GPR158: variants seen among roughly 807,000 people sequenced by gnomAD.
GPR158 encodes G protein-coupled receptor 158, also known as metabotropic glycine receptor.
GPR158 carries 30 observed loss-of-function variants against 78.2 expected under a neutral mutation model. The observed-to-expected ratio is 0.38, with a 90% confidence interval of 0.29 to 0.52. The LOEUF is 0.52. Ranked by LOEUF, GPR158 falls within the 20% of genes least tolerant of loss-of-function variation. The pLI is 0.83. For synonymous variants in GPR158, 581 were observed against 591.1 expected, an observed-to-expected ratio of 0.98 and a Z score of 0.25; for missense variants, 1,463 against 1,523.5, an observed-to-expected ratio of 0.96 and a Z score of 0.66.
At chr10:25,585,451 A>G (rs901374953) in intron 7 of GPR158, among the ~76,000 whole-genome samples, 7 of 152,194 alleles carry the variant, frequency 4.6e-5, no homozygotes, top group African/African-American at 1.7e-4. Context: ...ATTTTCTTCT[A>G]ATTATATGTT....
intron 2 of GPR158, among the ~76,000 whole-genome samples, chr10:25,276,779 A>G (rs770482383): frequency 1.3e-5 from 2 of 152,082 alleles, no homozygotes; most frequent in Non-Finnish European, 2.9e-5. Flanking sequence ...TAAGCAAGAA[A>G]CTCACCTGAA....
chr10:25,428,027 G>C (rs1378537412), intron 4 of GPR158, among the ~76,000 whole-genome samples: 1 of 151,890 alleles, frequency 6.6e-6, no homozygotes, highest in Non-Finnish European at 1.5e-5. Context: ...CTTACTAAAA[G>C]ATGAATGAGT....
chr10:25,568,092 T>A (rs1174362517), intron 6 of GPR158, among the ~76,000 whole-genome samples: 1 of 151,700 alleles, frequency 6.6e-6, no homozygotes, highest in African/African-American at 2.4e-5. Context: ...ACAGCAAAGG[T>A]AGGTTGGAGA....
At chr10:25,496,156 C>G (rs76489052) in intron 5 of GPR158, among the ~76,000 whole-genome samples, 1 of 152,124 alleles carries the variant, frequency 6.6e-6, no homozygotes, top group African/African-American at 2.4e-5. Context: ...CACTTGTCCC[C>G]GCTCCCCCAA....
At chr10:25,196,768 AT>A (rs1242095636) in intron 1 of GPR158, among the ~76,000 whole-genome samples, 1 of 152,140 alleles carries the variant, frequency 6.6e-6, no homozygotes, top group Non-Finnish European at 1.5e-5. Flanking sequence ...AGAGTTCTTG[AT>A]TTTTTGCTTG....
intron 2 of GPR158, among the ~76,000 whole-genome samples, chr10:25,375,819 A>T (rs1305850990): frequency 6.6e-6 from 1 of 151,550 alleles, no homozygotes; most frequent in Non-Finnish European, 1.5e-5. Flanking sequence ...TATTGAATAG[A>T]TTGATTTCTC....
At chr10:25,311,430 G>T (rs187606591) in intron 2 of GPR158, among the ~76,000 whole-genome samples, 2 of 151,502 alleles carry the variant, frequency 1.3e-5, no homozygotes, top group African/African-American at 2.4e-5. Context: ...ATTTTTTATT[G>T]TAAATGCCTT....
rs143075210 is a variant in GPR158, at chr10:25,503,512, T to C, written c.1404+36793T>C. ...AAATAGAAATGGGAGGAAAGTGCAGTCAGCATAGGCAAGGAATTTAGCTCT... is the reference window on the plus strand; with the variant it reads ...AAATAGAAATGGGAGGAAAGTGCAGCCAGCATAGGCAAGGAATTTAGCTCT... On this transcript the variant is annotated intron_variant, in intron 5 of 10. Coordinates refer to ENST00000376351, the MANE Select transcript of GPR158 (RefSeq NM_020752.3). Among the ~76,000 whole-genome samples, 33 of 152,306 alleles carry C rather than the reference T, an allele frequency of 2.2e-4. No individual in the cohort carries two copies. The East Asian group carries it at 5.8e-3, about 27-fold the overall frequency.
intron 4 of GPR158, among the ~76,000 whole-genome samples, chr10:25,433,152 T>C (rs1244223616): frequency 6.6e-6 from 1 of 152,146 alleles, no homozygotes; most frequent in Non-Finnish European, 1.5e-5. Context: ...TATACTCAGG[T>C]CTGTTTGACT....
intron 2 of GPR158, among the ~76,000 whole-genome samples, chr10:25,225,652 T>G (rs1416653287): frequency 6.6e-6 from 1 of 152,188 alleles, no homozygotes; most frequent in African/African-American, 2.4e-5. Context: ...AAGTCGTGTT[T>G]ATTCTGCTTT....
intron 3 of GPR158, among the ~76,000 whole-genome samples, chr10:25,403,283 ATAAGT>A (rs550665316): frequency 7.2e-5 from 11 of 152,176 alleles, no homozygotes; most frequent in African/African-American, 2.4e-4. Flanking sequence ...AGGCAAGCAA[ATAAGT>A]TAACATACTG....
At chr10:25,295,344 G>C (rs917409961) in intron 2 of GPR158, among the ~76,000 whole-genome samples, 1 of 152,154 alleles carries the variant, frequency 6.6e-6, no homozygotes, top group East Asian at 1.9e-4. Context: ...TCACCCATCA[G>C]CCAGAGTAAC....
At chr10:25,293,088 A>G (rs987731565) in intron 2 of GPR158, among the ~76,000 whole-genome samples, 1 of 152,194 alleles carries the variant, frequency 6.6e-6, no homozygotes, top group African/African-American at 2.4e-5. Flanking sequence ...GACCAAGTAC[A>G]TTGATCTCTA....
At chr10:25,265,339 A>G (rs1294494207) in intron 2 of GPR158, among the ~76,000 whole-genome samples, 1 of 152,180 alleles carries the variant, frequency 6.6e-6, no homozygotes, top group Non-Finnish European at 1.5e-5. Flanking sequence ...AATAAGCAAG[A>G]AAGTCATATG....
At chr10:25,483,673 A>G (rs1475412555) in intron 5 of GPR158, among the ~76,000 whole-genome samples, 1 of 152,208 alleles carries the variant, frequency 6.6e-6, no homozygotes, top group Non-Finnish European at 1.5e-5. Flanking sequence ...TGCCTAATAC[A>G]TACTGGATGC....
intron 4 of GPR158, among the ~76,000 whole-genome samples, chr10:25,441,057 C>T (rs1448131519): frequency 6.6e-6 from 1 of 152,160 alleles, no homozygotes; most frequent in Non-Finnish European, 1.5e-5. Flanking sequence ...ATAAAAAAGG[C>T]TATAACCCTT....
intron 6 of GPR158, among the ~76,000 whole-genome samples, chr10:25,558,920 T>C (rs1197700925): frequency 4.6e-5 from 7 of 152,238 alleles, no homozygotes; most frequent in Non-Finnish European, 8.8e-5. Context: ...ATATGGTCTA[T>C]CTTGGTAAAT....
chr10:25,551,798 C>T (rs1208268749), intron 6 of GPR158, among the ~76,000 whole-genome samples: 1 of 152,106 alleles, frequency 6.6e-6, no homozygotes, highest in Non-Finnish European at 1.5e-5. Flanking sequence ...TGCCAAAGAG[C>T]ATAGGAGATA....
At chr10:25,473,424 G>A (rs898399946) in intron 5 of GPR158, among the ~76,000 whole-genome samples, 1 of 151,914 alleles carries the variant, frequency 6.6e-6, no homozygotes, top group Non-Finnish European at 1.5e-5. Flanking sequence ...CTCTTTTTTT[G>A]TTGTGTCTCT....
Sources: allele counts gnomAD v4.1 joint callset (sites outside exome capture counted in the v4.1 genomes callset), GRCh38; gene constraint gnomAD v4.1.1; transcripts MANE v1.5; gene names NCBI Gene and HGNC (gene_info 2026-07-23, HGNC 2026-07-21).